The following TAFA2 variants were observed in gnomAD, a reference collection of about 807,000 sequenced individuals.
TAFA2 encodes TAFA chemokine like family member 2, also known as chemokine-like protein TAFA-2.
A neutral mutation model predicts 18.8 loss-of-function variants in TAFA2; 7 were observed. The ratio of observed to expected loss-of-function variants is 0.37; its 90% CI spans 0.21 to 0.70. The LOEUF is 0.70. Ranked by LOEUF, TAFA2 falls within the 30% of genes least tolerant of loss-of-function variation. The probability of loss-of-function intolerance (pLI) is 0.53; values close to 1 mark genes in which losing one functional copy is unlikely to be tolerated. For missense variants in TAFA2, 122 were observed against 158.1 expected (o/e 0.77, Z 1.23); for synonymous variants, 60 against 54.2 (o/e 1.11, Z -0.47).
At chr12:61,778,376 A>G (rs886305755) in intron 2 of TAFA2, among the ~76,000 whole-genome samples, 12 of 151,670 alleles carry the variant, frequency 7.9e-5, no homozygotes, top group African/African-American at 2.9e-4. Flanking sequence ...CTGGCTTCTC[A>G]CCTGGGACTC....
intron 1 of TAFA2, among the ~76,000 whole-genome samples, chr12:62,184,502 C>CTTTTTTTTTTTTTTTTTTT (rs10526118): frequency 9.4e-6 from 1 of 106,168 alleles, no homozygotes. Flanking sequence ...AAAAAAAATT[C>CTTTTTTTTTTTTTTTTTTT]TTTTTTTTTT....
At chr12:61,758,506 G>A (rs1250017287) in intron 2 of TAFA2, among the ~76,000 whole-genome samples, 3 of 151,996 alleles carry the variant, frequency 2.0e-5, no homozygotes, top group African/African-American at 7.2e-5. Flanking sequence ...GGGATATGTA[G>A]GTACAGAGTC....
intron 1 of TAFA2, among the ~76,000 whole-genome samples, chr12:61,875,616 G>C (rs1874808666): frequency 6.6e-6 from 1 of 152,108 alleles, no homozygotes; most frequent in Middle Eastern, 3.2e-3. Flanking sequence ...AATTTAATAT[G>C]AAATGTATGT....
intron 4 of TAFA2, among the ~76,000 whole-genome samples, chr12:61,737,339 C>G (rs1868321079): frequency 6.6e-6 from 1 of 151,596 alleles, no homozygotes; most frequent in Non-Finnish European, 1.5e-5. Context: ...TTCAATTTCT[C>G]CTAACTTTTT....
intron 1 of TAFA2, among the ~76,000 whole-genome samples, chr12:62,064,871 C>A (rs1192743897): frequency 2.0e-5 from 3 of 151,880 alleles, no homozygotes; most frequent in Non-Finnish European, 4.4e-5. Flanking sequence ...GTAGGAATAC[C>A]ACTAACAATC....
At chr12:61,840,798 T>C (rs1873138545) in intron 2 of TAFA2, among the ~76,000 whole-genome samples, 1 of 152,042 alleles carries the variant, frequency 6.6e-6, no homozygotes, top group Non-Finnish European at 1.5e-5. Flanking sequence ...AAAGTGAGGA[T>C]GGTGGTAGAC....
intron 1 of TAFA2, among the ~76,000 whole-genome samples, chr12:61,944,932 G>A: frequency 7.2e-6 from 1 of 138,898 alleles, no homozygotes; most frequent in Non-Finnish European, 1.5e-5. Flanking sequence ...AGAAAAAGAG[G>A]GAATCCTCCC....
At chr12:62,108,616 G>A (rs909379139) in intron 1 of TAFA2, among the ~76,000 whole-genome samples, 5 of 152,148 alleles carry the variant, frequency 3.3e-5, no homozygotes, top group Admixed American at 6.5e-5. Context: ...GTGTAAAAGC[G>A]TTCCTATTTC....
chr12:61,810,211 T>C (rs1871807925), intron 2 of TAFA2, among the ~76,000 whole-genome samples: 1 of 151,570 alleles, frequency 6.6e-6, no homozygotes, highest in Non-Finnish European at 1.5e-5. Flanking sequence ...TAAGAAATTC[T>C]GCCTCTATGG....
chr12:61,931,639 G>A (rs933450150), intron 1 of TAFA2, among the ~76,000 whole-genome samples: 2 of 152,134 alleles, frequency 1.3e-5, no homozygotes, highest in Non-Finnish European at 2.9e-5. Flanking sequence ...AGGGCAATAA[G>A]CTACTTTAAT....
chr12:61,740,623 C>T (rs555398976), intron 4 of TAFA2, among the ~76,000 whole-genome samples: 1 of 151,900 alleles, frequency 6.6e-6, no homozygotes, highest in Admixed American at 6.6e-5. Flanking sequence ...AAAGCCCAGA[C>T]TTCATCATTA....
At chr12:61,733,989 A>T (rs1284668545) in intron 4 of TAFA2, among the ~76,000 whole-genome samples, 6 of 148,096 alleles carry the variant, frequency 4.1e-5, no homozygotes, top group East Asian at 2.1e-4. Context: ...GGTCCTTCAC[A>T]TCCCTTGTAA....
chr12:61,787,422 C>T (rs190013018), intron 2 of TAFA2, among the ~76,000 whole-genome samples: 6 of 151,722 alleles, frequency 4.0e-5, no homozygotes, highest in African/African-American at 1.2e-4. Flanking sequence ...TACTCCAATA[C>T]TCTAAAGGTG....
chr12:62,259,723 T>C (rs1040543916), upstream of TAFA2: 3 of 152,648 alleles, frequency 2.0e-5, no homozygotes, highest in Non-Finnish European at 2.9e-5. Flanking sequence ...TGTTCACCGA[T>C]GAACTGGGAC....
At chr12:61,826,630 A>G (rs1872545301) in intron 2 of TAFA2, among the ~76,000 whole-genome samples, 1 of 151,988 alleles carries the variant, frequency 6.6e-6, no homozygotes, top group African/African-American at 2.4e-5. Flanking sequence ...AGGAGATACT[A>G]ATTTCCCAGT....
intron 1 of TAFA2, among the ~76,000 whole-genome samples, chr12:61,893,655 G>A (rs951376882): frequency 6.6e-6 from 1 of 152,108 alleles, no homozygotes; most frequent in Non-Finnish European, 1.5e-5. Context: ...GAGTCTGTTG[G>A]TTTCAAATTT....
intron 2 of TAFA2, among the ~76,000 whole-genome samples, chr12:61,823,776 G>A (rs1185755807): frequency 5.9e-5 from 9 of 152,052 alleles, no homozygotes; most frequent in African/African-American, 2.2e-4. Flanking sequence ...AATGTTTAAG[G>A]AAAATGGGAG....
intron 1 of TAFA2, among the ~76,000 whole-genome samples, chr12:62,067,933 ACTTTCCTTTT>A: frequency 6.6e-6 from 1 of 152,104 alleles, no homozygotes; most frequent in South Asian, 2.1e-4. Flanking sequence ...TGTGTCTATT[ACTTTCCTTTT>A]CTTTCCTTTT....
intron 2 of TAFA2, among the ~76,000 whole-genome samples, chr12:61,801,479 G>A (rs1871394974): frequency 6.6e-6 from 1 of 151,926 alleles, no homozygotes; most frequent in Non-Finnish European, 1.5e-5. Flanking sequence ...GTTTATTTTT[G>A]ACAAAAGCAC....
Sources: allele counts gnomAD v4.1 joint callset (sites outside exome capture counted in the v4.1 genomes callset), GRCh38; gene constraint gnomAD v4.1.1; transcripts MANE v1.5; gene names NCBI Gene and HGNC (gene_info 2026-07-23, HGNC 2026-07-21).